EML6: variants seen among roughly 807,000 people sequenced by gnomAD.
The protein encoded by EML6 is EMAP like 6.
A neutral mutation model predicts 240.1 loss-of-function variants in EML6; 154 were observed. The observed-to-expected ratio is 0.64, with a 90% confidence interval of 0.56 to 0.73. EML6 has a LOEUF of 0.73. Among genes scored for constraint, EML6 ranks in the 30% least tolerant of loss-of-function variants. EML6 has a pLI of 0.00. For synonymous variants in EML6, 1,148 were observed against 899.0 expected (o/e 1.28, Z -4.95); for missense variants, 2,964 against 2,474.6 (o/e 1.20, Z -4.20).
chr2:54,732,377 G>T (rs980670849), intron 2 of EML6, among the ~76,000 whole-genome samples: 2 of 151,932 alleles, frequency 1.3e-5, no homozygotes, highest in East Asian at 1.9e-4. Context: ...CTAATCCAAG[G>T]TCATCAAGAT....
At chr2:54,886,384 C>G (rs1219063225) in intron 17 of EML6, among the ~76,000 whole-genome samples, 2 of 152,230 alleles carry the variant, frequency 1.3e-5, no homozygotes, top group East Asian at 1.9e-4. Context: ...CCAGGCTGGT[C>G]TCTAACTCCT....
chr2:54,893,226 A>T (rs929944544), intron 19 of EML6, among the ~76,000 whole-genome samples: 1 of 152,086 alleles, frequency 6.6e-6, no homozygotes, highest in Non-Finnish European at 1.5e-5. Flanking sequence ...CAAAGATTAC[A>T]CTTACCTTCT....
chr2:54,861,593 T>C (rs1223366842), intron 12 of EML6, among the ~76,000 whole-genome samples: 2 of 152,082 alleles, frequency 1.3e-5, no homozygotes, highest in Non-Finnish European at 2.9e-5. Context: ...TTCCCCCCTT[T>C]ACAGTCTTGC....
chr2:54,797,218 C>T (rs957584967), intron 2 of EML6, among the ~76,000 whole-genome samples: 2 of 143,024 alleles, frequency 1.4e-5, no homozygotes, highest in African/African-American at 5.2e-5. Flanking sequence ...AAGGTTGAGT[C>T]TGAGGAGCTG....
At position 54,824,449 on chromosome 2, in the gene EML6, A is replaced by G. The variant is rs1253649117; in HGVS notation, c.526-3117A>G. ...TTGCTGTCTGTATTCTCTATATCCA[A>G]TTACCAGGATTTCTCCACTTTTTTT... On this transcript the variant is annotated intron_variant, in intron 5 of 41. Coordinates refer to ENST00000356458, the MANE Select transcript of EML6 (RefSeq NM_001039753.4). Among the ~76,000 whole-genome samples the G allele has an allele frequency of 5.3e-5, 8 of 152,130 alleles. No individual in the cohort carries two copies. The East Asian group carries it at 7.7e-4, about 15-fold the overall frequency.
At chr2:54,951,541 AT>A (rs1327232910) in intron 30 of EML6, among the ~76,000 whole-genome samples, 1 of 93,422 alleles carries the variant, frequency 1.1e-5, no homozygotes, top group Admixed American at 1.1e-4. Context: ...GGAGACTCTT[AT>A]TTCAAAAAGA....
At position 54,725,092 on chromosome 2, in the gene EML6, C is replaced by T; in HGVS notation, c.31C>T (p.Leu11Phe). The T allele has an allele frequency of 6.5e-7, 1 of 1,530,794 alleles. No homozygotes were observed. The highest frequency in any genetic ancestry group is 8.8e-7 in the Non-Finnish European group (1 of 1,138,248). The allele number at this position is 1,530,794 out of a possible 1,614,324, so 94.8% of individuals were successfully genotyped here. A position where few individuals can be genotyped will look rare whatever the true frequency, so the allele number is the denominator to read the frequency against. MADRTAPRCQ[L>F]RLEWVYGYRG... Reference sequence around the variant, plus strand: ...GGATCGGACGGCGCCCCGCTGCCAGCTCCGGCTGGAGTGGGTGTACGGGTA... The same window carrying T: ...GGATCGGACGGCGCCCCGCTGCCAGTTCCGGCTGGAGTGGGTGTACGGGTA... Residue 11 changes from leucine (L) to phenylalanine (F), a missense_variant, in exon 2 of 42, where the codon CTC becomes TTC. Coordinates refer to ENST00000356458, the MANE Select transcript of EML6 (RefSeq NM_001039753.4). This position sits in a 1 kb window ranked among gnomAD's most constrained non-coding sequence, Gnocchi z 4.3.
intron 2 of EML6, among the ~76,000 whole-genome samples, chr2:54,808,265 C>T (rs954153943): frequency 1.3e-5 from 2 of 152,228 alleles, no homozygotes; most frequent in African/African-American, 4.8e-5. Context: ...CCATCCCCAT[C>T]TGAGGTTCCA....
At chr2:54,859,105 A>T (rs541603258) in intron 11 of EML6, among the ~76,000 whole-genome samples, 1 of 152,318 alleles carries the variant, frequency 6.6e-6, no homozygotes, top group Non-Finnish European at 1.5e-5. Context: ...AAGGAGGAAA[A>T]AATGATTCTC....
chr2:54,869,245 A>G lies in EML6; in HGVS notation c.2116A>G (p.Ile706Val), dbSNP rs2103902086. 1.9e-6 allele frequency: 3 copies of G among 1,551,688 alleles called. No homozygotes were observed. In the Admixed American group the frequency reaches 5.9e-5, roughly 30 times the overall value. ...ACAAGCTGGAGAAGTAGTCTACCAC[A>G]TTGCTGCAGTTGCTGTCGTGTATAA... ...YTQAGEVVYH[I>V]AAVAVVYNRQ... The change falls in exon 15 of 42, where the codon ATT (isoleucine) becomes GTT (valine). Residue 706 changes from isoleucine (I) to valine (V), a missense_variant. Physicochemically the swap from Ile to Val is conservative, Grantham distance 29 (BLOSUM62 3). Transcript: ENST00000356458.
intron 2 of EML6, among the ~76,000 whole-genome samples, chr2:54,788,124 G>A (rs1431943239): frequency 6.6e-6 from 1 of 152,148 alleles, no homozygotes; most frequent in East Asian, 1.9e-4. Context: ...AAAGCCTACG[G>A]CAGAACACCC....
intron 2 of EML6, among the ~76,000 whole-genome samples, chr2:54,761,333 A>G (rs1667972792): frequency 6.6e-6 from 1 of 152,174 alleles, no homozygotes; most frequent in South Asian, 2.1e-4. Context: ...CTGAAAAAAA[A>G]GCATAAATGA....
At position 54,856,776 on chromosome 2, in the gene EML6, A is replaced by G. The variant is rs145801365; in HGVS notation, c.1658-2758A>G. Among the ~76,000 whole-genome samples, 539 of 152,334 alleles carry G rather than the reference A, an allele frequency of 3.5e-3. 3 individuals carry two copies. The highest frequency in any genetic ancestry group is 0.011 in the African/African-American group (459 of 41,566). On this transcript the variant is annotated intron_variant, in intron 11 of 41. Coordinates refer to ENST00000356458, the MANE Select transcript of EML6 (RefSeq NM_001039753.4). The stretch of plus-strand genomic sequence containing the variant: ...CGTCTTCTAAGTGCAATGAAAAACT[A>G]TGGATGGTTTTACATGGAGTGATGT...
chr2:54,938,369 A>G (rs1185066523), intron 28 of EML6, among the ~76,000 whole-genome samples: 2 of 152,196 alleles, frequency 1.3e-5, no homozygotes, highest in African/African-American at 4.8e-5. Flanking sequence ...ATACAGTTAC[A>G]TAAGGCAGGA....
chr2:54,936,123 A>C (rs1391122716), intron 28 of EML6, among the ~76,000 whole-genome samples: 2 of 152,214 alleles, frequency 1.3e-5, no homozygotes, highest in Non-Finnish European at 2.9e-5. Flanking sequence ...TTAGAAACTT[A>C]TAACTACGGA....
At chr2:54,862,957 A>T (rs887371459) in intron 12 of EML6, among the ~76,000 whole-genome samples, 1 of 152,190 alleles carries the variant, frequency 6.6e-6, no homozygotes, top group Non-Finnish European at 1.5e-5. Flanking sequence ...GAACAGGGTA[A>T]CCTTTGAAAT....
intron 5 of EML6, among the ~76,000 whole-genome samples, chr2:54,821,764 T>C (rs959923898): frequency 6.6e-6 from 1 of 152,208 alleles, no homozygotes. Context: ...GGCACAAATT[T>C]ATCAATTTTT....
chr2:54,744,904 G>A (rs983990068), intron 2 of EML6, among the ~76,000 whole-genome samples: 7 of 58,982 alleles, frequency 1.2e-4, no homozygotes, highest in South Asian at 1.2e-3. Flanking sequence ...ACACACACAC[G>A]TACACACACA....
chr2:54,741,271 A>C (rs1421970042), intron 2 of EML6, among the ~76,000 whole-genome samples: 1 of 152,084 alleles, frequency 6.6e-6, no homozygotes, highest in Non-Finnish European at 1.5e-5. Context: ...CCTGGCTTTG[A>C]TGGTTACTCC....
Sources: allele counts gnomAD v4.1 joint callset (sites outside exome capture counted in the v4.1 genomes callset), GRCh38; gene constraint gnomAD v4.1.1; non-coding constraint Gnocchi (gnomAD v3.1); transcripts MANE v1.5; gene names NCBI Gene and HGNC (gene_info 2026-07-23, HGNC 2026-07-21).